Variants in STIM1 observed in about 807,000 individuals in gnomAD.
STIM1 encodes the protein stromal interaction molecule 1.
STIM1 carries 25 observed loss-of-function variants against 74.7 expected under a neutral mutation model. That is an observed-to-expected ratio of 0.33 (90% CI 0.24 to 0.47). The LOEUF is 0.47. STIM1 is among the 20% of genes least tolerant of loss of function. STIM1 has a pLI of 1.00. For missense variants in STIM1, 728 were observed against 920.8 expected (o/e 0.79, Z 2.71); for synonymous variants, 328 against 348.8 (o/e 0.94, Z 0.66).
intron 1 of STIM1, among the ~76,000 whole-genome samples, chr11:3,911,793 G>C (rs2092566084): frequency 6.6e-6 from 1 of 152,128 alleles, no homozygotes; most frequent in Non-Finnish European, 1.5e-5. Context: ...CTATTCTACT[G>C]TTACTCTCCT....
chr11:3,932,559 G>A (rs927396850), intron 1 of STIM1, among the ~76,000 whole-genome samples: 5 of 151,386 alleles, frequency 3.3e-5, no homozygotes, highest in African/African-American at 1.2e-4. Flanking sequence ...CTACTTGGGA[G>A]TCTGAGGCAG....
intron 1 of STIM1, among the ~76,000 whole-genome samples, chr11:3,928,475 C>T (rs1590573863): frequency 6.6e-6 from 1 of 152,176 alleles, no homozygotes. Flanking sequence ...GATCCACCCA[C>T]CTCGGCCTCC....
intron 3 of STIM1, among the ~76,000 whole-genome samples, chr11:4,034,286 G>C (rs1034498573): frequency 3.9e-5 from 6 of 151,980 alleles, no homozygotes; most frequent in Admixed American, 2.6e-4. Flanking sequence ...AATGTTGGCT[G>C]TGGGTTTTTT....
At chr11:3,931,587 G>T (rs1023564459) in intron 1 of STIM1, among the ~76,000 whole-genome samples, 1 of 152,142 alleles carries the variant, frequency 6.6e-6, no homozygotes, top group Admixed American at 6.5e-5. Context: ...ATGAAAACCT[G>T]CAGTGTTCTT....
At chr11:4,002,695 A>G (rs2093731527) in intron 2 of STIM1, among the ~76,000 whole-genome samples, 2 of 150,562 alleles carry the variant, frequency 1.3e-5, no homozygotes, top group South Asian at 4.3e-4. Context: ...AGCAAGAGCA[A>G]ACACATTCAA....
intron 1 of STIM1, among the ~76,000 whole-genome samples, chr11:3,872,043 T>A (rs758983991): frequency 6.6e-6 from 1 of 152,154 alleles, no homozygotes. Context: ...TTCCTTATAA[T>A]CTTGTTTTCT....
intron 1 of STIM1, among the ~76,000 whole-genome samples, chr11:3,947,091 A>G (rs1291856018): frequency 7.0e-6 from 1 of 143,100 alleles, no homozygotes; most frequent in Non-Finnish European, 1.5e-5. Context: ...TTTTCTCCTC[A>G]TTCTTAGTGT....
intron 1 of STIM1, among the ~76,000 whole-genome samples, chr11:3,964,751 G>T (rs2093323752): frequency 6.6e-6 from 1 of 150,476 alleles, no homozygotes; most frequent in African/African-American, 2.5e-5. Flanking sequence ...TTGAGGCAGG[G>T]TCTCGCTCTG....
At position 3,895,715 on chromosome 11, in the gene STIM1, TTTC is replaced by T. The variant is rs1565105179; in HGVS notation, c.139+39309_139+39311del. Among the ~76,000 whole-genome samples, 137 of 38,188 alleles carry T rather than the reference TTTC, an allele frequency of 3.6e-3. 6 individuals are homozygous for T. The highest frequency in any genetic ancestry group is 0.016 in the Middle Eastern group (2 of 122). 25.1% of individuals were successfully genotyped at this position (38,188 alleles called of 152,430 possible). On this transcript the variant is annotated intron_variant, in intron 1 of 12. Transcript: ENST00000526596. The stretch of plus-strand genomic sequence containing the variant: ...CTTTCTTTCTTTCTTTCTTTCTTTC[TTTC>T]TTTCTTTCTTTCTTTCTTTTTCTTT...
At chr11:3,980,123 A>G (rs1355465141) in intron 2 of STIM1, among the ~76,000 whole-genome samples, 3 of 152,172 alleles carry the variant, frequency 2.0e-5, no homozygotes, top group African/African-American at 4.8e-5. Flanking sequence ...TTCCTGCACT[A>G]ATACTGGCAT....
intron 2 of STIM1, among the ~76,000 whole-genome samples, chr11:3,990,963 C>T (rs1013985023): frequency 6.6e-6 from 1 of 152,074 alleles, no homozygotes; most frequent in Non-Finnish European, 1.5e-5. Context: ...TCTCCCTATC[C>T]CCACTCCTTT....
At chr11:4,005,686 A>G (rs926642049) in intron 2 of STIM1, among the ~76,000 whole-genome samples, 1 of 152,126 alleles carries the variant, frequency 6.6e-6, no homozygotes, top group Non-Finnish European at 1.5e-5. Flanking sequence ...ATATATAACT[A>G]ACCGGCACAT....
intron 3 of STIM1, among the ~76,000 whole-genome samples, chr11:4,033,600 C>CTT (rs547277789): frequency 7.0e-6 from 1 of 142,788 alleles, no homozygotes; most frequent in Non-Finnish European, 1.5e-5. Context: ...CATTTCTAAT[C>CTT]TTTTTTTTTT....
At chr11:4,011,678 G>T (rs1009380687) in intron 2 of STIM1, among the ~76,000 whole-genome samples, 3 of 152,110 alleles carry the variant, frequency 2.0e-5, no homozygotes, top group African/African-American at 4.8e-5. Flanking sequence ...TAGGTTGCCC[G>T]TTCGCTCTGC....
intron 5 of STIM1, among the ~76,000 whole-genome samples, chr11:4,059,788 G>A (rs183828559): frequency 1.3e-5 from 2 of 152,300 alleles, no homozygotes; most frequent in African/African-American, 4.8e-5. Context: ...GGTGGATAGA[G>A]CTTTATTCTA....
chr11:4,088,058 C>T (rs2094503546), intron 12 of STIM1, among the ~76,000 whole-genome samples: 1 of 152,128 alleles, frequency 6.6e-6, no homozygotes, highest in Non-Finnish European at 1.5e-5. Context: ...TTCCAGAATA[C>T]TCCGTTGGAT....
chr11:3,945,339 G>A (rs1830102700), intron 1 of STIM1, among the ~76,000 whole-genome samples: 1 of 152,190 alleles, frequency 6.6e-6, no homozygotes, highest in Non-Finnish European at 1.5e-5. Flanking sequence ...CACTTTGGGA[G>A]GCTGAGGCGG....
At chr11:4,013,348 G>A (rs2093858749) in intron 2 of STIM1, among the ~76,000 whole-genome samples, 1 of 152,056 alleles carries the variant, frequency 6.6e-6, no homozygotes, top group Non-Finnish European at 1.5e-5. Flanking sequence ...GAATCCATCT[G>A]GTCCTGGACT....
chr11:4,077,037 T>C (rs1476910924), intron 7 of STIM1, among the ~76,000 whole-genome samples: 1 of 151,406 alleles, frequency 6.6e-6, no homozygotes, highest in African/African-American at 2.4e-5. Context: ...AGACACATTT[T>C]AAATATAAGA....
Sources: gnomAD v4.1 joint callset for allele counts (sites outside exome capture counted in the v4.1 genomes callset) on GRCh38, gnomAD v4.1.1 for gene constraint, MANE v1.5 for transcripts, NCBI Gene and HGNC (gene_info 2026-07-23, HGNC 2026-07-21) for gene names.